Variants in MESD observed in about 807,000 individuals in gnomAD.
The protein encoded by MESD is mesoderm development LRP chaperone.
MESD carries 7 observed loss-of-function variants against 12.9 expected under a neutral mutation model. That is an observed-to-expected ratio of 0.54 (90% CI 0.31 to 1.02). The LOEUF (loss-of-function observed/expected upper bound fraction) is 1.02, where lower values mean the gene tolerates loss of function less well. MESD is among the 50% of genes least tolerant of loss of function. MESD has a pLI of 0.05. For missense variants in MESD, 342 were observed against 296.7 expected (o/e 1.15, Z -1.12); for synonymous variants, 126 against 115.6 (o/e 1.09, Z -0.58).
rs925296427 is a variant in MESD at position 80,979,124 on chromosome 15, G to T, written c.*95C>A. On this transcript the variant is annotated 3_prime_UTR_variant, in exon 3 of 3. Transcript: ENST00000261758. ...TCTAGAAGACACTAGAATGTCATCC[G>T]GTGTGCAGTTGCCTGAGACCACTCC... is the stretch of plus-strand genomic sequence containing the variant. The T allele has an allele frequency of 2.0e-6, 3 of 1,479,224 alleles. No homozygotes were observed. The highest frequency in any genetic ancestry group is 1.4e-5 in the African/African-American group (1 of 71,178). 91.6% of individuals were successfully genotyped at this position (1,479,224 alleles called of 1,614,324 possible). A position where few individuals can be genotyped will look rare whatever the true frequency, so the allele number is the denominator to read the frequency against.
chr15:80,949,150 G>C (rs1266910463), intron 4 of MESD: 8 of 602,004 alleles, frequency 1.3e-5, no homozygotes, highest in South Asian at 5.6e-5. Flanking sequence ...GCCAATGCTG[G>C]AAACATTCAC....
intron 1 of MESD, among the ~76,000 whole-genome samples, chr15:80,988,749 T>G (rs1012581381): frequency 3.3e-5 from 5 of 152,208 alleles, no homozygotes; most frequent in Admixed American, 6.5e-5. Flanking sequence ...CTCCTCATGT[T>G]GCAGATAAAG....
In MESD at chr15:80,980,678, G is replaced by A. The variant is rs149805793; in HGVS notation, c.447-1201C>T. Reference sequence around the variant, plus strand: ...ACACTAGGCATGGTTGCCAGTGACAGTAATCCTAGCACTTTGGGAGGTTGA... The same window carrying A: ...ACACTAGGCATGGTTGCCAGTGACAATAATCCTAGCACTTTGGGAGGTTGA... On this transcript the variant is annotated intron_variant, in intron 2 of 2. Coordinates refer to ENST00000261758, the MANE Select transcript of MESD (RefSeq NM_015154.3). Among the ~76,000 whole-genome samples, 472 of 152,292 alleles carry A rather than the reference G, an allele frequency of 3.1e-3. 1 individual carries two copies. Among genetic ancestry groups the A allele is most frequent in the South Asian group, 8.3e-3 (40 of 4,830 alleles).
intron 3 of MESD, among the ~76,000 whole-genome samples, chr15:80,964,068 T>C (rs1902133873): frequency 6.6e-6 from 1 of 152,128 alleles, no homozygotes; most frequent in South Asian, 2.1e-4. Context: ...TGATTGTATA[T>C]CTAAAAATCC....
At chr15:80,952,862 T>C (rs943293590) in intron 3 of MESD, 9 of 401,266 alleles carry the variant, frequency 2.2e-5, no homozygotes, top group Non-Finnish European at 4.5e-5. Context: ...ACAAATATTT[T>C]TGCACCCCTG....
chr15:80,951,248 C>G (rs114810334), intron 4 of MESD: 59 of 152,736 alleles, frequency 3.9e-4, no homozygotes, highest in African/African-American at 1.4e-3. Context: ...TGGCTCAGTT[C>G]ATTTAAAAAA....
At chr15:80,985,943 C>T (rs1384601851) in intron 1 of MESD, among the ~76,000 whole-genome samples, 1 of 152,050 alleles carries the variant, frequency 6.6e-6, no homozygotes, top group African/African-American at 2.4e-5. Context: ...GCATGAGCCA[C>T]TAAGCCCAGT....
chr15:80,969,707 T>G (rs1902245931), intron 3 of MESD, among the ~76,000 whole-genome samples: 1 of 152,062 alleles, frequency 6.6e-6, no homozygotes, highest in Non-Finnish European at 1.5e-5. Context: ...ACACAAAAAT[T>G]AGCCAGGTGT....
At chr15:80,971,667 C>A (rs980694850), downstream of MESD, among the ~76,000 whole-genome samples, 43 of 152,246 alleles carry the variant, frequency 2.8e-4, no homozygotes, top group African/African-American at 1.0e-3. Context: ...CACTCTGTCC[C>A]CCAGGCTGGA....
At chr15:80,955,833 GCTAGT>G (rs1197720278) in intron 3 of MESD, among the ~76,000 whole-genome samples, 6 of 151,954 alleles carry the variant, frequency 3.9e-5, no homozygotes, top group Non-Finnish European at 8.8e-5. Context: ...TGTTGGCCAG[GCTAGT>G]CTTAAACTCC....
chr15:80,979,052 T>C lies in MESD; in HGVS notation c.*167A>G, dbSNP rs773395503. ...CATCTGTCTTCTTACTTGAAGCCTA[T>C]TAAGCAGTAATTCTTTGACCACAAA... On this transcript the variant is annotated 3_prime_UTR_variant, in exon 3 of 3. Transcript: ENST00000261758. 1.3e-4 allele frequency: 113 copies of C among 838,280 alleles called. No homozygotes were observed. Among genetic ancestry groups the C allele is most frequent in the Admixed American group, 4.1e-4 (16 of 39,320 alleles). 51.9% of individuals were successfully genotyped at this position (838,280 alleles called of 1,614,324 possible).
intron 3 of MESD, among the ~76,000 whole-genome samples, chr15:80,967,845 G>T (rs1354673269): frequency 6.6e-6 from 1 of 152,210 alleles, no homozygotes; most frequent in Non-Finnish European, 1.5e-5. Flanking sequence ...AGTGGTCAAA[G>T]ATTTAAAATT....
At chr15:80,973,492 T>C (rs1353535388), downstream of MESD, among the ~76,000 whole-genome samples, 1 of 151,936 alleles carries the variant, frequency 6.6e-6, no homozygotes. Flanking sequence ...TGAGCCATGA[T>C]TGTGCCACTG....
intron 3 of MESD, among the ~76,000 whole-genome samples, chr15:80,957,566 TG>T (rs1327289289): frequency 6.6e-6 from 1 of 151,994 alleles, no homozygotes; most frequent in African/African-American, 2.4e-5. Context: ...CTCCCATGAT[TG>T]GAAGAAACTT....
chr15:80,954,508 G>A (rs944969705), intron 3 of MESD, among the ~76,000 whole-genome samples: 5 of 152,212 alleles, frequency 3.3e-5, no homozygotes, highest in Admixed American at 3.3e-4. Flanking sequence ...GGTGGGAAGG[G>A]CTTAATCCTG....
intron 1 of MESD, 39 bp from the exon 2 acceptor site, chr15:80,982,221 A>G (rs746337451): frequency 1.0e-5 from 16 of 1,571,638 alleles, no homozygotes; most frequent in Non-Finnish European, 1.2e-5. Context: ...CTATCATCAG[A>G]ATCTTGCTTT....
At chr15:80,954,315 T>C (rs779993284) in intron 3 of MESD, among the ~76,000 whole-genome samples, 7 of 152,178 alleles carry the variant, frequency 4.6e-5, no homozygotes, top group Non-Finnish European at 8.8e-5. Context: ...CAGAGTTCTG[T>C]TGGGTAATGT....
intron 3 of MESD, among the ~76,000 whole-genome samples, chr15:80,959,420 G>C (rs1425096902): frequency 1.3e-5 from 2 of 152,204 alleles, no homozygotes; most frequent in Admixed American, 6.5e-5. Context: ...GTGTGAGCTA[G>C]TTTGAAAGGG....
intron 2 of MESD, among the ~76,000 whole-genome samples, chr15:80,980,349 G>A (rs1902543166): frequency 6.6e-6 from 1 of 152,092 alleles, no homozygotes; most frequent in Admixed American, 6.6e-5. Context: ...AACTGTTTTT[G>A]AGGAAAAAGA....
Sources: allele counts gnomAD v4.1 joint callset (sites outside exome capture counted in the v4.1 genomes callset), GRCh38; gene constraint gnomAD v4.1.1; transcripts MANE v1.5; gene names NCBI Gene and HGNC (gene_info 2026-07-23, HGNC 2026-07-21).